Variants in EXT2 observed in about 807,000 individuals in gnomAD.
The protein encoded by EXT2 is exostosin glycosyltransferase 2.
In EXT2, 53 loss-of-function variants were observed where a neutral mutation model predicts 81.6. The ratio of observed to expected loss-of-function variants is 0.65; its 90% CI spans 0.52 to 0.82. The LOEUF is 0.82. Among genes scored for constraint, EXT2 ranks in the 40% least tolerant of loss-of-function variants. The probability of loss-of-function intolerance (pLI) is 0.00; values close to 1 mark genes in which losing one functional copy is unlikely to be tolerated. For synonymous variants in EXT2, 320 were observed against 340.0 expected (o/e 0.94, Z 0.65); for missense variants, 774 against 910.2 (o/e 0.85, Z 1.93).
In EXT2 at chr11:44,100,096, G is replaced by C. The variant is rs190480137; in HGVS notation, c.-31+4244G>C. Reference sequence around the variant, plus strand: ...GAAGTGTGTTCTCCGTGCTTCTCCAGAGGGATCCTAGAAGGACTGGGTATT... The same window carrying C: ...GAAGTGTGTTCTCCGTGCTTCTCCACAGGGATCCTAGAAGGACTGGGTATT... On this transcript the variant is annotated intron_variant, in intron 1 of 13. Coordinates refer to ENST00000533608, the MANE Select transcript of EXT2 (RefSeq NM_207122.2). 3.3e-5 allele frequency among the ~76,000 whole-genome samples: 5 copies of C among 152,310 alleles called. No homozygotes were observed. The East Asian group carries it at 9.7e-4, about 29-fold the overall frequency.
At chr11:44,192,083 C>T (rs542283174) in intron 8 of EXT2, among the ~76,000 whole-genome samples, 16 of 152,242 alleles carry the variant, frequency 1.1e-4, no homozygotes, top group Non-Finnish European at 1.9e-4. Context: ...CTGCCATTAC[C>T]TGAGTTCCTC....
At chr11:44,097,771 AATAAAT>A (rs200224927) in intron 1 of EXT2, among the ~76,000 whole-genome samples, 9,725 of 139,324 alleles carry the variant, frequency 0.07, 611 homozygotes, top group African/African-American at 0.14. Flanking sequence ...AAAATAAATA[AATAAAT>A]AAATAAATAA....
At chr11:44,214,204 C>G (rs1370922463) in intron 10 of EXT2, among the ~76,000 whole-genome samples, 1 of 152,114 alleles carries the variant, frequency 6.6e-6, no homozygotes, top group African/African-American at 2.4e-5. Flanking sequence ...AGCTCCGCCT[C>G]CCGGGTTCAC....
At chr11:44,182,321 A>G (rs1447446753) in intron 8 of EXT2, among the ~76,000 whole-genome samples, 3 of 152,052 alleles carry the variant, frequency 2.0e-5, no homozygotes, top group Non-Finnish European at 4.4e-5. Flanking sequence ...CTTGAGACCA[A>G]CTGTTCCTTA....
intron 7 of EXT2, among the ~76,000 whole-genome samples, chr11:44,134,290 G>T (rs922818268): frequency 1.3e-5 from 2 of 152,110 alleles, no homozygotes; most frequent in African/African-American, 4.8e-5. Flanking sequence ...TTGGTGGGGG[G>T]AGAGATTATA....
chr11:44,190,973 T>C lies in EXT2; in HGVS notation c.1306-6856T>C, dbSNP rs117885521. Reference sequence around the variant, plus strand: ...GTTGCTTGAGTTTGAATCTCTTTCCTGAAGGGGAAACCCCTTTGAACTGGT... The same window carrying C: ...GTTGCTTGAGTTTGAATCTCTTTCCCGAAGGGGAAACCCCTTTGAACTGGT... On this transcript the variant is annotated intron_variant, in intron 8 of 13. Transcript: ENST00000533608. Among the ~76,000 whole-genome samples the C allele has an allele frequency of 2.0e-5, 3 of 152,324 alleles. No homozygotes were observed. The East Asian group carries it at 5.8e-4, about 29-fold the overall frequency.
intron 9 of EXT2, among the ~76,000 whole-genome samples, chr11:44,199,124 C>T (rs756765074): frequency 1.3e-5 from 2 of 152,112 alleles, no homozygotes; most frequent in Non-Finnish European, 2.9e-5. Flanking sequence ...ACTTTCTATG[C>T]CAAGATTTGT....
At chr11:44,143,991 A>G (rs1438914523) in intron 7 of EXT2, among the ~76,000 whole-genome samples, 1 of 152,036 alleles carries the variant, frequency 6.6e-6, no homozygotes, top group African/African-American at 2.4e-5. Context: ...TACTCCCTTC[A>G]TGTGTTGTGT....
intron 8 of EXT2, among the ~76,000 whole-genome samples, chr11:44,182,872 T>C (rs1955255633): frequency 6.6e-6 from 1 of 152,252 alleles, no homozygotes; most frequent in Non-Finnish European, 1.5e-5. Flanking sequence ...TCCAAGACCA[T>C]GCATTGCATT....
chr11:44,199,030 T>C (rs1394881486), intron 9 of EXT2, among the ~76,000 whole-genome samples: 1 of 152,222 alleles, frequency 6.6e-6, no homozygotes, highest in African/African-American at 2.4e-5. Flanking sequence ...GCTTTCTTTT[T>C]AGATTTAGGG....
At chr11:44,192,050 G>A (rs1955398270) in intron 8 of EXT2, among the ~76,000 whole-genome samples, 3 of 152,158 alleles carry the variant, frequency 2.0e-5, no homozygotes, top group Non-Finnish European at 4.4e-5. Context: ...ATTATTTAAG[G>A]CTTTTCACAA....
chr11:44,141,805 G>A (rs1447610254), intron 7 of EXT2, among the ~76,000 whole-genome samples: 1 of 152,190 alleles, frequency 6.6e-6, no homozygotes, highest in Non-Finnish European at 1.5e-5. Context: ...ATGTTAATTT[G>A]CAGCCTATGT....
At chr11:44,187,651 G>T (rs78205521) in intron 8 of EXT2, among the ~76,000 whole-genome samples, 3 of 152,144 alleles carry the variant, frequency 2.0e-5, no homozygotes, top group Admixed American at 6.5e-5. Flanking sequence ...TTAGAATTGG[G>T]TGGGACTCTG....
chr11:44,122,817 A>G (rs909246619), intron 4 of EXT2, among the ~76,000 whole-genome samples: 1 of 152,266 alleles, frequency 6.6e-6, no homozygotes, highest in East Asian at 1.9e-4. Flanking sequence ...GCTGTCAGGC[A>G]GCCCCAGCCA....
chr11:44,105,061 T>G (rs1954035958), intron 1 of EXT2, among the ~76,000 whole-genome samples: 1 of 152,156 alleles, frequency 6.6e-6, no homozygotes, highest in Non-Finnish European at 1.5e-5. Context: ...ATTTAGCATA[T>G]TTTACCCCCA....
intron 9 of EXT2, among the ~76,000 whole-genome samples, chr11:44,205,454 G>T (rs917440631): frequency 6.6e-6 from 1 of 152,206 alleles, no homozygotes; most frequent in South Asian, 2.1e-4. Context: ...GGCCTATAGG[G>T]TTATTTCTTT....
chr11:44,132,069 A>T (rs1480683820), intron 7 of EXT2, among the ~76,000 whole-genome samples: 2 of 152,214 alleles, frequency 1.3e-5, no homozygotes, highest in African/African-American at 2.4e-5. Flanking sequence ...ATCTTGATTT[A>T]TTAGTAAAAC....
At chr11:44,194,071 G>A (rs1013773828) in intron 8 of EXT2, among the ~76,000 whole-genome samples, 1 of 152,156 alleles carries the variant, frequency 6.6e-6, no homozygotes, top group African/African-American at 2.4e-5. Flanking sequence ...TAAATGCCAA[G>A]GCATTCGTTT....
chr11:44,146,447 C>G (rs1412959078), intron 7 of EXT2, among the ~76,000 whole-genome samples: 1 of 152,210 alleles, frequency 6.6e-6, no homozygotes, highest in Non-Finnish European at 1.5e-5. Context: ...GTGTTTTCTC[C>G]TAACTCCATT....
Sources: gnomAD v4.1 joint callset for allele counts (sites outside exome capture counted in the v4.1 genomes callset) on GRCh38, gnomAD v4.1.1 for gene constraint, MANE v1.5 for transcripts, NCBI Gene and HGNC (gene_info 2026-07-23, HGNC 2026-07-21) for gene names.